The following CNTN5 variants were observed in gnomAD, a reference collection of about 807,000 sequenced individuals.
CNTN5 encodes the protein contactin 5.
Under a neutral mutation model 129.1 loss-of-function variants are expected in CNTN5, and 77 were observed. The observed-to-expected ratio is 0.60, with a 90% CI of 0.50 to 0.72. The LOEUF (loss-of-function observed/expected upper bound fraction) is 0.72, where lower values mean the gene tolerates loss of function less well. Ranked by LOEUF, CNTN5 falls within the 30% of genes least tolerant of loss-of-function variation. CNTN5 has a pLI of 0.00. For synonymous variants in CNTN5, 509 were observed against 465.6 expected, an observed-to-expected ratio of 1.09 and a Z score of -1.20; for missense variants, 1,478 against 1,328.8, an observed-to-expected ratio of 1.11 and a Z score of -1.75.
intron 3 of CNTN5, among the ~76,000 whole-genome samples, chr11:99,813,757 T>A (rs750375136): frequency 6.6e-5 from 10 of 152,084 alleles, no homozygotes; most frequent in Non-Finnish European, 1.3e-4. Flanking sequence ...TATCTTGGAA[T>A]TACATAAAGA....
intron 9 of CNTN5, among the ~76,000 whole-genome samples, chr11:100,038,697 T>G (rs1081357): frequency 0.48 from 71,707 of 150,146 alleles, 18,061 homozygotes; most frequent in African/African-American, 0.65. Context: ...TCTTCTTGTT[T>G]AATTGATCCC....
At chr11:99,537,606 C>T (rs973403362) in intron 2 of CNTN5, among the ~76,000 whole-genome samples, 2 of 152,106 alleles carry the variant, frequency 1.3e-5, no homozygotes. Flanking sequence ...AAAAATACAA[C>T]AGTAAGTACT....
intron 6 of CNTN5, among the ~76,000 whole-genome samples, chr11:99,882,764 G>A (rs930355201): frequency 2.0e-5 from 3 of 151,938 alleles, no homozygotes; most frequent in Admixed American, 1.3e-4. Context: ...ATTATTATTC[G>A]CTATAGTTAG....
In CNTN5 at chr11:100,070,538, A is replaced by G. The variant is rs1270003217; in HGVS notation, c.1277A>G (p.Asn426Ser). Residue 426 changes from asparagine (N) to serine (S), a missense_variant, in exon 11 of 25, where the codon AAT becomes AGT. By Grantham distance (46) the Asn-to-Ser change is conservative. Transcript: ENST00000524871. ...KPRPTYRWLK[N>S]GVPLSPQSRV... The stretch of plus-strand genomic sequence containing the variant: ...AGACCCACGTATCGTTGGCTGAAGA[A>G]TGGAGTACCCCTCTCACCTCAGGTA... The G allele has an allele frequency of 6.2e-7, 1 of 1,613,082 alleles. No individual in the cohort carries two copies. The highest frequency in any genetic ancestry group is 1.1e-5 in the South Asian group (1 of 91,032).
chr11:99,218,654 A>G (rs79980642), intron 1 of CNTN5, among the ~76,000 whole-genome samples: 4,425 of 152,216 alleles, frequency 0.029, 77 homozygotes, highest in Middle Eastern at 0.044. Context: ...TGGGATAAAG[A>G]TAGCTAGCTG....
chr11:99,781,779 C>G (rs1565523985), intron 3 of CNTN5, among the ~76,000 whole-genome samples: 4 of 152,060 alleles, frequency 2.6e-5, no homozygotes, highest in East Asian at 1.9e-4. Flanking sequence ...TTCAACAACC[C>G]TTCATGCTAA....
At chr11:99,803,273 C>T (rs998154203) in intron 3 of CNTN5, among the ~76,000 whole-genome samples, 2 of 152,188 alleles carry the variant, frequency 1.3e-5, no homozygotes, top group Admixed American at 6.5e-5. Flanking sequence ...CAGATGAGTT[C>T]CAGTTCACCG....
chr11:99,825,079 G>T (rs1218524362), intron 4 of CNTN5, among the ~76,000 whole-genome samples: 1 of 151,940 alleles, frequency 6.6e-6, no homozygotes, highest in Non-Finnish European at 1.5e-5. Flanking sequence ...TTGTCTAATA[G>T]TATGTGTTAG....
At chr11:99,564,031 T>C (rs772580572) in intron 3 of CNTN5, among the ~76,000 whole-genome samples, 3 of 152,198 alleles carry the variant, frequency 2.0e-5, no homozygotes, top group Non-Finnish European at 4.4e-5. Flanking sequence ...CACATATTTA[T>C]ATATGTCTGT....
At chr11:99,076,204 G>A (rs761532085) in intron 1 of CNTN5, among the ~76,000 whole-genome samples, 2 of 152,150 alleles carry the variant, frequency 1.3e-5, no homozygotes, top group South Asian at 4.1e-4. Flanking sequence ...TCATGGTGGT[G>A]TATGCCTGTA....
intron 7 of CNTN5, among the ~76,000 whole-genome samples, chr11:99,954,260 C>T (rs1950744970): frequency 6.6e-6 from 1 of 152,132 alleles, no homozygotes; most frequent in Admixed American, 6.5e-5. Flanking sequence ...CACAGTATAT[C>T]TCAAAGTGGT....
intron 1 of CNTN5, among the ~76,000 whole-genome samples, chr11:99,214,522 T>C (rs1382932251): frequency 6.6e-6 from 1 of 151,590 alleles, no homozygotes; most frequent in African/African-American, 2.4e-5. Flanking sequence ...ATATGTGTAA[T>C]AAATTTATTG....
chr11:100,051,211 A>C (rs1942937019), intron 9 of CNTN5, among the ~76,000 whole-genome samples: 1 of 152,106 alleles, frequency 6.6e-6, no homozygotes, highest in Non-Finnish European at 1.5e-5. Flanking sequence ...ACTTATCTGC[A>C]CATGGAATAT....
chr11:100,201,777 A>C (rs758308005), intron 15 of CNTN5, among the ~76,000 whole-genome samples: 1 of 151,966 alleles, frequency 6.6e-6, no homozygotes, highest in African/African-American at 2.4e-5. Context: ...TTCTCCCTTC[A>C]AGACTGAACC....
intron 3 of CNTN5, among the ~76,000 whole-genome samples, chr11:99,666,114 T>C (rs1261128006): frequency 1.3e-5 from 2 of 151,966 alleles, no homozygotes; most frequent in East Asian, 1.9e-4. Context: ...ATTATAGGTA[T>C]GTGTCACCAC....
At position 100,094,768 on chromosome 11, in the gene CNTN5, G is replaced by GGAAGGAAA. The variant is rs1944933984; in HGVS notation, c.1580+20481_1580+20482insAGAAGGAA. On this transcript the variant is annotated intron_variant, in intron 13 of 24. Transcript: ENST00000524871. Reference sequence around the variant, plus strand: ...AAGAAGGAGGGAGGGAGGGAGGAAAGGAAGGAAGGAAGGAAGGAAGGAAGG... The same window carrying GGAAGGAAA: ...AAGAAGGAGGGAGGGAGGGAGGAAAGGAAGGAAAGAAGGAAGGAAGGAAGGAAGGAAGG... 3.7e-5 allele frequency among the ~76,000 whole-genome samples: 3 copies of GGAAGGAAA among 80,824 alleles called. No homozygotes were observed. In the Admixed American group the frequency reaches 3.9e-4, roughly 10 times the overall value. The allele number at this position is 80,824 out of a possible 152,430, so 53.0% of individuals were successfully genotyped here. A position where few individuals can be genotyped will look rare whatever the true frequency, so the allele number is the denominator to read the frequency against.
intron 13 of CNTN5, among the ~76,000 whole-genome samples, chr11:100,158,087 A>G (rs1591331118): frequency 2.0e-5 from 3 of 151,626 alleles, no homozygotes; most frequent in Middle Eastern, 6.8e-3. Flanking sequence ...TTTTTTGAAA[A>G]TCTGTATTAG....
chr11:100,178,736 T>G (rs1288227720), intron 13 of CNTN5, among the ~76,000 whole-genome samples: 2 of 152,194 alleles, frequency 1.3e-5, no homozygotes, highest in Non-Finnish European at 2.9e-5. Flanking sequence ...TGTGTGCTGT[T>G]TTTATGTGAC....
At chr11:99,980,853 T>C (rs573093921) in intron 8 of CNTN5, among the ~76,000 whole-genome samples, 1 of 151,890 alleles carries the variant, frequency 6.6e-6, no homozygotes, top group African/African-American at 2.4e-5. Context: ...GATTTCTTCA[T>C]CCTCATTAAC....
Sources: gnomAD v4.1 joint callset for allele counts (sites outside exome capture counted in the v4.1 genomes callset) on GRCh38, gnomAD v4.1.1 for gene constraint, MANE v1.5 for transcripts, NCBI Gene and HGNC (gene_info 2026-07-23, HGNC 2026-07-21) for gene names.